PARD3: variants seen among roughly 807,000 people sequenced by gnomAD.
The protein encoded by PARD3 is partitioning defective 3 homolog.
PARD3 carries 75 observed loss-of-function variants against 155.4 expected under a neutral mutation model. The ratio of observed to expected loss-of-function variants is 0.48; its 90% CI spans 0.40 to 0.58. The LOEUF (loss-of-function observed/expected upper bound fraction) is 0.58, where lower values mean the gene tolerates loss of function less well. Ranked by LOEUF, PARD3 falls within the 20% of genes least tolerant of loss-of-function variation. The pLI is 0.00. For synonymous variants in PARD3, 576 were observed against 610.5 expected, an observed-to-expected ratio of 0.94 and a Z score of 0.83; for missense variants, 1,642 against 1,721.7, an observed-to-expected ratio of 0.95 and a Z score of 0.82.
At chr10:34,687,653 C>G (rs188308006) in intron 2 of PARD3, among the ~76,000 whole-genome samples, 1 of 152,166 alleles carries the variant, frequency 6.6e-6, no homozygotes, top group African/African-American at 2.4e-5. Flanking sequence ...CATTCCTGCT[C>G]AAAGCAAAAT....
chr10:34,145,226 T>TA (rs1948444672), intron 22 of PARD3, among the ~76,000 whole-genome samples: 1 of 92,790 alleles, frequency 1.1e-5, no homozygotes, highest in South Asian at 2.8e-4. Context: ...TATATATTTT[T>TA]TTTTTTTTTT....
intron 2 of PARD3, among the ~76,000 whole-genome samples, chr10:34,678,717 C>T (rs1353260851): frequency 6.6e-6 from 1 of 151,668 alleles, no homozygotes; most frequent in Non-Finnish European, 1.5e-5. Context: ...ATTTTGAAAA[C>T]AAAAATGTTC....
intron 20 of PARD3, among the ~76,000 whole-genome samples, chr10:34,311,575 C>T (rs1393965727): frequency 3.9e-5 from 6 of 152,274 alleles, no homozygotes; most frequent in Admixed American, 1.3e-4. Context: ...AACACTTGGC[C>T]GGGCAGACTC....
intron 1 of PARD3, among the ~76,000 whole-genome samples, chr10:34,807,583 C>T (rs368218248): frequency 1.3e-5 from 2 of 152,160 alleles, no homozygotes; most frequent in African/African-American, 4.8e-5. Flanking sequence ...CCACTCTGGT[C>T]ATGTTATAGG....
chr10:34,191,019 A>G (rs1387253203), intron 22 of PARD3, among the ~76,000 whole-genome samples: 1 of 152,012 alleles, frequency 6.6e-6, no homozygotes, highest in Non-Finnish European at 1.5e-5. Flanking sequence ...AAAACTTAAC[A>G]AGGGAGCATC....
chr10:34,613,711 G>A (rs1337698532), intron 2 of PARD3, among the ~76,000 whole-genome samples: 1 of 152,066 alleles, frequency 6.6e-6, no homozygotes, highest in African/African-American at 2.4e-5. Flanking sequence ...TTCATTTCCT[G>A]TAGAATAAAA....
intron 19 of PARD3, among the ~76,000 whole-genome samples, chr10:34,319,308 C>G (rs939220238): frequency 6.6e-6 from 1 of 151,416 alleles, no homozygotes; most frequent in South Asian, 2.1e-4. Flanking sequence ...AGGATGGTCT[C>G]GATCTCTTGA....
chr10:34,369,316 GTTT>G (rs1564635399), intron 12 of PARD3, among the ~76,000 whole-genome samples: 9,589 of 56,178 alleles, frequency 0.17, 856 homozygotes, highest in African/African-American at 0.45. Context: ...TTATTTATTT[GTTT>G]ATTTATTTAT....
chr10:34,634,416 T>C (rs987482299), intron 2 of PARD3, among the ~76,000 whole-genome samples: 1 of 152,196 alleles, frequency 6.6e-6, no homozygotes, highest in African/African-American at 2.4e-5. Context: ...ATGTTTTCCC[T>C]CCAGGGGAGG....
intron 2 of PARD3, among the ~76,000 whole-genome samples, chr10:34,670,130 C>T (rs117788927): frequency 7.2e-5 from 11 of 152,356 alleles, no homozygotes; most frequent in East Asian, 3.9e-4. Context: ...GCTCTTATCA[C>T]GTATAAAGAC....
At chr10:34,455,724 C>CT (rs1156696216) in intron 4 of PARD3, among the ~76,000 whole-genome samples, 1 of 151,804 alleles carries the variant, frequency 6.6e-6, no homozygotes, top group Non-Finnish European at 1.5e-5. Flanking sequence ...CCTATTAAGA[C>CT]TTTTTTTTAA....
intron 1 of PARD3, among the ~76,000 whole-genome samples, chr10:34,774,928 T>G (rs1185859950): frequency 6.6e-6 from 1 of 152,228 alleles, no homozygotes; most frequent in Admixed American, 6.5e-5. Flanking sequence ...TTTACCTAGT[T>G]ACGAAGATGT....
intron 19 of PARD3, among the ~76,000 whole-genome samples, chr10:34,319,207 G>GC (rs1958221970): frequency 6.6e-6 from 1 of 150,790 alleles, no homozygotes; most frequent in South Asian, 2.1e-4. Flanking sequence ...TCCTGCCTCA[G>GC]CCCCCCAAGT....
chr10:34,418,919 T>C (rs1215149133), intron 5 of PARD3, among the ~76,000 whole-genome samples: 14 of 143,540 alleles, frequency 9.8e-5, no homozygotes, highest in Admixed American at 6.6e-4. Flanking sequence ...TACAGGCACA[T>C]GTCACCATAA....
chr10:34,199,618 A>G (rs1347358635), intron 22 of PARD3, among the ~76,000 whole-genome samples: 2 of 152,150 alleles, frequency 1.3e-5, no homozygotes, highest in East Asian at 3.9e-4. Context: ...TGTTAAGCAA[A>G]TCTGAAAAAC....
chr10:34,583,366 C>T (rs1191216861), intron 2 of PARD3, among the ~76,000 whole-genome samples: 3 of 152,280 alleles, frequency 2.0e-5, no homozygotes, highest in African/African-American at 7.2e-5. Flanking sequence ...ATAGCTGCTA[C>T]TCTAAGTGTT....
chr10:34,525,372 G>A (rs953093793), intron 2 of PARD3, among the ~76,000 whole-genome samples: 8 of 152,222 alleles, frequency 5.3e-5, no homozygotes, highest in African/African-American at 1.9e-4. Flanking sequence ...TACTGGCTAA[G>A]CCAAGAATGG....
chr10:34,420,287 C>T (rs1234042082), intron 5 of PARD3, among the ~76,000 whole-genome samples: 1 of 152,170 alleles, frequency 6.6e-6, no homozygotes, highest in Non-Finnish European at 1.5e-5. Flanking sequence ...TTTACTGCTA[C>T]AATTAGCATC....
intron 22 of PARD3, among the ~76,000 whole-genome samples, chr10:34,172,019 G>A (rs928122915): frequency 3.4e-5 from 5 of 148,626 alleles, no homozygotes; most frequent in Non-Finnish European, 7.4e-5. Flanking sequence ...AACTTCTCTG[G>A]GTCTTTTCAG....
Sources: gnomAD v4.1 joint callset for allele counts (sites outside exome capture counted in the v4.1 genomes callset) on GRCh38, gnomAD v4.1.1 for gene constraint, MANE v1.5 for transcripts, NCBI Gene and HGNC (gene_info 2026-07-23, HGNC 2026-07-21) for gene names.